MARCHF4: variants seen among roughly 807,000 people sequenced by gnomAD.
MARCHF4 encodes E3 ubiquitin-protein ligase MARCHF4.
A neutral mutation model predicts 43.9 loss-of-function variants in MARCHF4; 14 were observed. That is an observed-to-expected ratio of 0.32 (90% CI 0.21 to 0.50). The LOEUF (loss-of-function observed/expected upper bound fraction) is 0.50, where lower values mean the gene tolerates loss of function less well. Ranked by LOEUF, MARCHF4 falls within the 20% of genes least tolerant of loss-of-function variation. MARCHF4 has a pLI of 0.98. For synonymous variants in MARCHF4, 226 were observed against 213.3 expected, an observed-to-expected ratio of 1.06 and a Z score of -0.52; for missense variants, 468 against 536.7, an observed-to-expected ratio of 0.87 and a Z score of 1.27.
chr2:216,306,464 T>G (rs1691587566), intron 1 of MARCHF4, among the ~76,000 whole-genome samples: 1 of 152,222 alleles, frequency 6.6e-6, no homozygotes, highest in Non-Finnish European at 1.5e-5. Context: ...TATTTTTTTC[T>G]AGATCAAAGT....
chr2:216,347,437 A>G (rs1193127488), intron 1 of MARCHF4, among the ~76,000 whole-genome samples: 1 of 152,234 alleles, frequency 6.6e-6, no homozygotes, highest in Admixed American at 6.5e-5. Flanking sequence ...TTGAACTGAG[A>G]TGGTGGCAGT....
At chr2:216,360,014 T>C (rs1016681813) in intron 1 of MARCHF4, among the ~76,000 whole-genome samples, 1 of 152,104 alleles carries the variant, frequency 6.6e-6, no homozygotes, top group African/African-American at 2.4e-5. Flanking sequence ...TTCTCCCCAC[T>C]TGATTTCCTA....
At chr2:216,328,825 G>A (rs1017866844) in intron 1 of MARCHF4, among the ~76,000 whole-genome samples, 1 of 151,636 alleles carries the variant, frequency 6.6e-6, no homozygotes, top group Non-Finnish European at 1.5e-5. Context: ...ATCACCTGAG[G>A]TCAGGAGTTT....
intron 3 of MARCHF4, among the ~76,000 whole-genome samples, chr2:216,264,261 G>A (rs751249208): frequency 2.6e-5 from 4 of 152,138 alleles, no homozygotes; most frequent in Non-Finnish European, 4.4e-5. Flanking sequence ...TCTAACGAAG[G>A]GAAGGACCAT....
chr2:216,305,976 C>T (rs1031164110), intron 1 of MARCHF4, among the ~76,000 whole-genome samples: 17 of 152,178 alleles, frequency 1.1e-4, no homozygotes, highest in African/African-American at 4.1e-4. Context: ...AACCACACCC[C>T]ACCCCTCCTG....
intron 1 of MARCHF4, among the ~76,000 whole-genome samples, chr2:216,324,971 T>C (rs1276391973): frequency 6.6e-6 from 1 of 151,240 alleles, no homozygotes; most frequent in Non-Finnish European, 1.5e-5. Flanking sequence ...CCAGGGCAAT[T>C]AGGCAGGAGA....
At chr2:216,287,240 T>C (rs1324461842) in intron 1 of MARCHF4, among the ~76,000 whole-genome samples, 5 of 152,092 alleles carry the variant, frequency 3.3e-5, no homozygotes, top group African/African-American at 1.2e-4. Flanking sequence ...CCCCTAGAAC[T>C]GAGCACATCA....
chr2:216,357,790 A>G (rs1203425413), intron 1 of MARCHF4, among the ~76,000 whole-genome samples: 1 of 152,270 alleles, frequency 6.6e-6, no homozygotes, highest in Non-Finnish European at 1.5e-5. Flanking sequence ...GACAAGCTAC[A>G]GTAAATTGAA....
At chr2:216,353,159 T>C (rs1317482689) in intron 1 of MARCHF4, among the ~76,000 whole-genome samples, 1 of 151,926 alleles carries the variant, frequency 6.6e-6, no homozygotes, top group Non-Finnish European at 1.5e-5. Flanking sequence ...AAAAAAAAAA[T>C]TGAGGCGATG....
chr2:216,349,818 T>C (rs1031487244), intron 1 of MARCHF4, among the ~76,000 whole-genome samples: 22 of 152,086 alleles, frequency 1.4e-4, no homozygotes, highest in African/African-American at 5.3e-4. Flanking sequence ...GAGTGCCTGG[T>C]TGTCACTGGG....
At chr2:216,334,405 G>A (rs953405409) in intron 1 of MARCHF4, among the ~76,000 whole-genome samples, 3 of 151,998 alleles carry the variant, frequency 2.0e-5, no homozygotes, top group Non-Finnish European at 4.4e-5. Flanking sequence ...AAGGTGATAT[G>A]CTAACATCTT....
rs1273068008 is a variant in MARCHF4 at position 216,371,337 on chromosome 2, CA to C, written c.-1078del. The stretch of plus-strand genomic sequence containing the variant: ...CGTGGCGCCCTCCCCTCGGTTCCAT[CA>C]AAGGTCCCTTCGGTCGAGGGGCAAG... On this transcript the variant is annotated 5_prime_UTR_variant, in exon 1 of 4. It removes the in-frame stop codon of an upstream open reading frame in the 5' UTR. Coordinates refer to ENST00000273067, the MANE Select transcript of MARCHF4 (RefSeq NM_020814.3). 1 of 152,852 alleles carries C rather than the reference CA, an allele frequency of 6.5e-6. No homozygotes were observed. The highest frequency in any genetic ancestry group is 1.5e-5 in the Non-Finnish European group (1 of 68,210). 9.5% of individuals were successfully genotyped at this position (152,852 alleles called of 1,614,324 possible). A position where few individuals can be genotyped will look rare whatever the true frequency, so the allele number is the denominator to read the frequency against.
At chr2:216,274,324 A>T (rs989246169) in intron 3 of MARCHF4, among the ~76,000 whole-genome samples, 6 of 152,226 alleles carry the variant, frequency 3.9e-5, no homozygotes, top group Admixed American at 3.9e-4. Context: ...CATTGCCCTG[A>T]GTGAATCTAA....
rs1046593911 is a variant in MARCHF4 at position 216,347,784 on chromosome 2, C to T, written c.516+21961G>A. Among the ~76,000 whole-genome samples, 23 of 147,056 alleles carry T rather than the reference C, an allele frequency of 1.6e-4. 1 individual carries two copies. The highest frequency in any genetic ancestry group is 2.7e-4 in the Admixed American group (4 of 14,662). On this transcript the variant is annotated intron_variant, in intron 1 of 3. Coordinates refer to ENST00000273067, the MANE Select transcript of MARCHF4 (RefSeq NM_020814.3). ...AATGCCCTTGATGGAGATAGGGTGA[C>T]GGTAAAGACAGAGAAGAATTGGGGA... is the stretch of plus-strand genomic sequence containing the variant.
intron 1 of MARCHF4, among the ~76,000 whole-genome samples, chr2:216,350,087 C>T (rs1324001213): frequency 6.6e-6 from 1 of 152,116 alleles, no homozygotes; most frequent in Non-Finnish European, 1.5e-5. Context: ...TACAACATGA[C>T]CTCACTATGC....
In MARCHF4 at chr2:216,371,824, G is replaced by C. The variant is rs1278828776; in HGVS notation, c.-1564C>G. ...AGGAGGGCGGCTGCCGGGTCTGCTC[G>C]GCAGCTCTGCCCCCGCTACCCCCAC... On this transcript the variant is annotated 5_prime_UTR_variant, in exon 1 of 4. Transcript: ENST00000273067. 6.6e-6 allele frequency: 1 copy of C among 152,384 alleles called. No homozygotes were observed. The highest frequency in any genetic ancestry group is 1.5e-5 in the Non-Finnish European group (1 of 68,228). 9.4% of individuals were successfully genotyped at this position (152,384 alleles called of 1,614,324 possible). A position where few individuals can be genotyped will look rare whatever the true frequency, so the allele number is the denominator to read the frequency against.
intron 1 of MARCHF4, among the ~76,000 whole-genome samples, chr2:216,367,946 G>A (rs184768744): frequency 1.9e-4 from 29 of 152,192 alleles, no homozygotes; most frequent in Non-Finnish European, 3.4e-4. Flanking sequence ...GGAAAGGAGG[G>A]GGGGGCATGA....
chr2:216,291,415 C>G (rs1413619486), intron 1 of MARCHF4, among the ~76,000 whole-genome samples: 1 of 152,042 alleles, frequency 6.6e-6, no homozygotes, highest in Non-Finnish European at 1.5e-5. Flanking sequence ...TGTCTGAGGA[C>G]TGGTATAAAA....
Position 216,369,938 on chromosome 2 carries a change from G to T in MARCHF4, c.323C>A (p.Pro108His). ...GREPPPVPPP[P>H]PLPPSSVEDD... ...TTCCACAGAAGAAGGTGGCAAGGGG[G>T]GTGGAGGTGGCACAGGAGGGGGCTC... The change falls in exon 1 of 4, where the codon CCC becomes CAC. Residue 108 changes from proline to histidine, a missense_variant. This residue lies in a region of MARCHF4 where 190 missense variants were observed against 158.5 expected (regional missense o/e 1.20). Coordinates refer to ENST00000273067, the MANE Select transcript of MARCHF4 (RefSeq NM_020814.3). 6.2e-7 allele frequency: 1 copy of T among 1,603,520 alleles called. No individual in the cohort carries two copies. Among genetic ancestry groups the T allele is most frequent in the Non-Finnish European group, 8.5e-7 (1 of 1,174,482 alleles).
Sources: gnomAD v4.1 joint callset for allele counts (sites outside exome capture counted in the v4.1 genomes callset) on GRCh38, gnomAD v4.1.1 for gene constraint, gnomAD v4.1.1 regional missense constraint, MANE v1.5 for transcripts, NCBI Gene and HGNC (gene_info 2026-07-23, HGNC 2026-07-21) for gene names.